Variants in SLC2A13 observed in about 807,000 individuals in gnomAD.
SLC2A13 encodes the protein proton myo-inositol cotransporter.
Under a neutral mutation model 64.4 loss-of-function variants are expected in SLC2A13, and 32 were observed. The ratio of observed to expected loss-of-function variants is 0.50; its 90% CI spans 0.37 to 0.67. SLC2A13 has a LOEUF of 0.67. Ranked by LOEUF, SLC2A13 falls within the 30% of genes least tolerant of loss-of-function variation. SLC2A13 has a pLI of 0.00. For missense variants in SLC2A13, 743 were observed against 829.2 expected (o/e 0.90, Z 1.28); for synonymous variants, 338 against 327.1 (o/e 1.03, Z -0.36).
At chr12:39,788,931 C>T (rs1031516836) in intron 7 of SLC2A13, among the ~76,000 whole-genome samples, 3 of 152,116 alleles carry the variant, frequency 2.0e-5, no homozygotes, top group East Asian at 1.9e-4. Flanking sequence ...TTTTCTAATA[C>T]GTATTTAAAA....
chr12:40,099,029 C>T (rs1427025891), intron 1 of SLC2A13, among the ~76,000 whole-genome samples: 1 of 152,230 alleles, frequency 6.6e-6, no homozygotes, highest in Non-Finnish European at 1.5e-5. Flanking sequence ...GCCACGTGGC[C>T]TTGGACACAT....
chr12:39,955,715 T>C (rs898852912), intron 3 of SLC2A13, among the ~76,000 whole-genome samples: 3 of 152,014 alleles, frequency 2.0e-5, no homozygotes, highest in Admixed American at 6.6e-5. Flanking sequence ...TTTCCCTAAA[T>C]GCAATCACAT....
chr12:39,838,155 G>A (rs534311699), intron 6 of SLC2A13, among the ~76,000 whole-genome samples: 2 of 148,624 alleles, frequency 1.3e-5, no homozygotes, highest in Non-Finnish European at 3.0e-5. Flanking sequence ...GGAATACTAC[G>A]CAGCCATAAA....
chr12:40,013,756 G>A (rs769036169), intron 3 of SLC2A13, among the ~76,000 whole-genome samples: 1 of 152,102 alleles, frequency 6.6e-6, no homozygotes, highest in Non-Finnish European at 1.5e-5. Flanking sequence ...GAGCTCTTAC[G>A]TGTGCGGCCC....
At chr12:39,766,629 T>A (rs997956375) in intron 7 of SLC2A13, among the ~76,000 whole-genome samples, 1 of 152,028 alleles carries the variant, frequency 6.6e-6, no homozygotes, top group Non-Finnish European at 1.5e-5. Flanking sequence ...TTTACCCAGA[T>A]AACTTCTTTC....
chr12:39,966,468 G>A (rs1021600004), intron 3 of SLC2A13, among the ~76,000 whole-genome samples: 1 of 152,122 alleles, frequency 6.6e-6, no homozygotes, highest in African/African-American at 2.4e-5. Context: ...CAGAATTTCA[G>A]TAGAGAATGA....
chr12:39,888,149 C>G (rs1445550315), intron 4 of SLC2A13, among the ~76,000 whole-genome samples: 1 of 152,156 alleles, frequency 6.6e-6, no homozygotes, highest in Non-Finnish European at 1.5e-5. Context: ...GCTTCAAATG[C>G]CCACATTCTG....
intron 1 of SLC2A13, among the ~76,000 whole-genome samples, chr12:40,089,268 A>G (rs545328354): frequency 4.9e-4 from 75 of 152,308 alleles, no homozygotes; most frequent in African/African-American, 1.8e-3. Context: ...ATCCAAGAAA[A>G]GTGAATTTGA....
chr12:39,874,712 C>T (rs1034684604), intron 4 of SLC2A13, among the ~76,000 whole-genome samples: 1 of 151,304 alleles, frequency 6.6e-6, no homozygotes, highest in Non-Finnish European at 1.5e-5. Flanking sequence ...ATGTAATGCT[C>T]TATGTTTGGA....
intron 1 of SLC2A13, among the ~76,000 whole-genome samples, chr12:40,056,559 A>G (rs1160738556): frequency 6.6e-6 from 1 of 152,198 alleles, no homozygotes; most frequent in Non-Finnish European, 1.5e-5. Flanking sequence ...GCAACAGCAT[A>G]AGTGGTGTTT....
intron 6 of SLC2A13, among the ~76,000 whole-genome samples, chr12:39,844,950 A>C (rs1260230846): frequency 2.0e-5 from 3 of 152,052 alleles, no homozygotes; most frequent in Admixed American, 6.6e-5. Context: ...GCAGTTTTTA[A>C]TATGGACTAA....
chr12:39,876,045 C>A (rs1160720684), intron 4 of SLC2A13, among the ~76,000 whole-genome samples: 3 of 152,174 alleles, frequency 2.0e-5, no homozygotes, highest in African/African-American at 2.4e-5. Flanking sequence ...CTTTCAAAGT[C>A]ATTTTATAAT....
At chr12:40,042,345 G>A (rs537030780) in intron 2 of SLC2A13, among the ~76,000 whole-genome samples, 1 of 151,872 alleles carries the variant, frequency 6.6e-6, no homozygotes, top group East Asian at 1.9e-4. Context: ...CAAATCACAT[G>A]ATGACTATAT....
chr12:39,906,618 T>C (rs967935368), intron 4 of SLC2A13, among the ~76,000 whole-genome samples: 2 of 152,168 alleles, frequency 1.3e-5, no homozygotes, highest in African/African-American at 2.4e-5. Flanking sequence ...GCTGGGTCTA[T>C]ACTTGGTTGT....
chr12:40,014,775 G>A (rs1250899964), intron 3 of SLC2A13, among the ~76,000 whole-genome samples: 1 of 152,162 alleles, frequency 6.6e-6, no homozygotes, highest in East Asian at 1.9e-4. Context: ...TTACAGGCGT[G>A]AGCCACCACG....
chr12:39,784,460 A>G (rs550441715), intron 7 of SLC2A13, among the ~76,000 whole-genome samples: 1 of 152,354 alleles, frequency 6.6e-6, no homozygotes, highest in Admixed American at 6.5e-5. Flanking sequence ...ACCTGACGAA[A>G]GCAAGAAATG....
intron 7 of SLC2A13, among the ~76,000 whole-genome samples, chr12:39,820,129 A>G (rs1008574627): frequency 3.3e-5 from 5 of 152,166 alleles, no homozygotes; most frequent in African/African-American, 1.2e-4. Flanking sequence ...GACAACAAAA[A>G]GAAAAAAAAT....
At chr12:39,778,546 ATTAATT>A (rs1157489342) in intron 7 of SLC2A13, among the ~76,000 whole-genome samples, 3 of 152,192 alleles carry the variant, frequency 2.0e-5, no homozygotes, top group Non-Finnish European at 4.4e-5. Flanking sequence ...AAGTTATATT[ATTAATT>A]TTATTTATTT....
chr12:39,976,666 T>G (rs973856408), intron 3 of SLC2A13, among the ~76,000 whole-genome samples: 1 of 152,150 alleles, frequency 6.6e-6, no homozygotes, highest in Non-Finnish European at 1.5e-5. Context: ...CCAAGTAGCT[T>G]GGATTACAGG....
Sources: allele counts gnomAD v4.1 joint callset (sites outside exome capture counted in the v4.1 genomes callset), GRCh38; gene constraint gnomAD v4.1.1; transcripts MANE v1.5; gene names NCBI Gene and HGNC (gene_info 2026-07-23, HGNC 2026-07-21).